RYK: variants seen among roughly 807,000 people sequenced by gnomAD.
The protein encoded by RYK is inactive tyrosine-protein kinase RYK.
Under a neutral mutation model 70.2 loss-of-function variants are expected in RYK, and 21 were observed. The observed-to-expected ratio is 0.30, with a 90% CI of 0.21 to 0.43. The LOEUF is 0.43. Among genes scored for constraint, RYK ranks in the 20% least tolerant of loss-of-function variants. RYK has a pLI of 1.00. For missense variants in RYK, 604 were observed against 753.3 expected, an observed-to-expected ratio of 0.80 and a Z score of 2.32; for synonymous variants, 267 against 278.0, an observed-to-expected ratio of 0.96 and a Z score of 0.39.
At position 134,202,815 on chromosome 3, in the gene RYK, C is replaced by A. The variant is rs994489784; in HGVS notation, c.703G>T (p.Val235Phe). The A allele has an allele frequency of 5.1e-5, 82 of 1,613,536 alleles. No homozygotes were observed. The highest frequency in any genetic ancestry group is 6.7e-5 in the Non-Finnish European group (79 of 1,179,576). Residue 235 changes from valine to phenylalanine, a missense_variant, in exon 6 of 15, where the codon GTT (valine) becomes TTT (phenylalanine). Val to Phe is a conservative substitution (Grantham distance 50). Around this residue, in one of 2 missense-constraint regions of RYK, gnomAD observed 466 missense variants for 535.9 expected, o/e 0.87. Coordinates refer to ENST00000623711, the MANE Select transcript of RYK (RefSeq NM_002958.4). ...STRVFYISVG[V>F]CCAVIFLVAI... ...ACGAGAAATATTACTGCACAACAAACCCCTACACTAATATAAAACACACGC... is the reference window on the plus strand; with the variant it reads ...ACGAGAAATATTACTGCACAACAAAACCCTACACTAATATAAAACACACGC...
At chr3:134,227,555 C>A (rs766265428) in intron 1 of RYK, among the ~76,000 whole-genome samples, 4 of 151,588 alleles carry the variant, frequency 2.6e-5, no homozygotes, top group Non-Finnish European at 5.9e-5. Flanking sequence ...AAAAAAAAAC[C>A]TTAAAATGAA....
At chr3:134,166,447 A>C (rs1027516707) in intron 13 of RYK, among the ~76,000 whole-genome samples, 1 of 152,230 alleles carries the variant, frequency 6.6e-6, no homozygotes, top group Non-Finnish European at 1.5e-5. Flanking sequence ...CAATACACTA[A>C]GACACCAACT....
At chr3:134,212,945 C>T (rs1016737517) in intron 2 of RYK, among the ~76,000 whole-genome samples, 6 of 150,542 alleles carry the variant, frequency 4.0e-5, no homozygotes, top group Non-Finnish European at 8.9e-5. Context: ...GGTACGTAAA[C>T]AACTGTTAAA....
At chr3:134,177,835 T>C in intron 11 of RYK, 106 bp downstream of exon 11, 2 of 937,324 alleles carry the variant, frequency 2.1e-6, no homozygotes, top group Non-Finnish European at 3.2e-6. Context: ...AGGTTCTTTT[T>C]TGCAGGCCTC....
chr3:134,224,141 G>A (rs975843123), intron 1 of RYK, among the ~76,000 whole-genome samples: 33 of 152,098 alleles, frequency 2.2e-4, no homozygotes, highest in Non-Finnish European at 4.3e-4. Context: ...AAGGCAGCTG[G>A]GCCTGGGGGA....
chr3:134,224,079 T>C (rs1197925193), intron 1 of RYK, among the ~76,000 whole-genome samples: 1 of 152,110 alleles, frequency 6.6e-6, no homozygotes, highest in Non-Finnish European at 1.5e-5. Context: ...TCTCCTTGTG[T>C]GCGGAGCCCA....
At chr3:134,243,845 A>G (rs1385478918) in intron 1 of RYK, among the ~76,000 whole-genome samples, 1 of 152,172 alleles carries the variant, frequency 6.6e-6, no homozygotes, top group African/African-American at 2.4e-5. Flanking sequence ...AACCAGCAAT[A>G]TAACTCTTAT....
chr3:134,247,071 C>A (rs371723676), intron 1 of RYK, among the ~76,000 whole-genome samples: 2 of 151,502 alleles, frequency 1.3e-5, no homozygotes, highest in African/African-American at 2.4e-5. Flanking sequence ...CGAATCAAAA[C>A]GCAATTTTGA....
At chr3:134,197,628 C>G (rs1311276757) in intron 6 of RYK, among the ~76,000 whole-genome samples, 1 of 152,082 alleles carries the variant, frequency 6.6e-6, no homozygotes, top group Non-Finnish European at 1.5e-5. Context: ...AAAATCAAAC[C>G]AGATATCAAA....
intron 1 of RYK, among the ~76,000 whole-genome samples, chr3:134,249,917 GTTTT>G (rs71624038): frequency 0.17 from 15,647 of 92,888 alleles, 1,138 homozygotes; most frequent in East Asian, 0.48. Context: ...TTTCTCTCTC[GTTTT>G]TTTTTTTTTT....
chr3:134,172,889 C>T (rs2012969039), intron 13 of RYK, among the ~76,000 whole-genome samples: 1 of 152,138 alleles, frequency 6.6e-6, no homozygotes, highest in Non-Finnish European at 1.5e-5. Context: ...CCACCCATCA[C>T]CCACCATGCC....
chr3:134,239,516 A>T (rs1267485623), intron 1 of RYK, among the ~76,000 whole-genome samples: 1 of 152,130 alleles, frequency 6.6e-6, no homozygotes, highest in Non-Finnish European at 1.5e-5. Flanking sequence ...AACATATGTA[A>T]ACTTCCATTA....
rs1553713557 is a variant in RYK, at chr3:134,250,495, C to T, written c.160G>A (p.Glu54Lys). The change falls in exon 1 of 15, where the codon GAG (glutamate) becomes AAG (lysine). Residue 54 changes from glutamate (E) to lysine (K), a missense_variant. This residue lies in a region of RYK where 466 missense variants were observed against 535.9 expected (regional missense o/e 0.87). Transcript: ENST00000623711. ...GGCCCCGCGGAAGCCGACTGCAGCT[C>T]CGGGGGCCGCGGGGCGGGGGCGGCG... The part of the protein sequence containing the change: ...AAAAPAPRPP[E>K]LQSASAGPSV... The T allele has an allele frequency of 3.1e-6, 4 of 1,286,886 alleles. No homozygotes were observed. The highest frequency in any genetic ancestry group is 1.5e-5 in the African/African-American group (1 of 64,890). 79.7% of individuals were successfully genotyped at this position (1,286,886 alleles called of 1,614,324 possible). A position where few individuals can be genotyped will look rare whatever the true frequency, so the allele number is the denominator to read the frequency against.
chr3:134,158,375 T>A (rs2012324195), intron 14 of RYK, 111 bp from the exon 15 acceptor site: 3 of 460,774 alleles, frequency 6.5e-6, no homozygotes, highest in Non-Finnish European at 1.1e-5. Context: ...ATGGAGAGGA[T>A]GATATATTAA....
At chr3:134,249,246 T>C (rs1192526793) in intron 1 of RYK, among the ~76,000 whole-genome samples, 1 of 152,160 alleles carries the variant, frequency 6.6e-6, no homozygotes, top group Admixed American at 6.5e-5. Context: ...CACGACTTCA[T>C]AAAAAGAGCA....
intron 1 of RYK, among the ~76,000 whole-genome samples, chr3:134,245,416 C>A (rs1248236667): frequency 7.3e-5 from 11 of 151,224 alleles, no homozygotes; most frequent in African/African-American, 2.7e-4. Flanking sequence ...TAAGGACAAA[C>A]AGAAAAGGAA....
chr3:134,209,344 T>C (rs890146158), intron 4 of RYK, among the ~76,000 whole-genome samples: 2 of 152,204 alleles, frequency 1.3e-5, no homozygotes, highest in African/African-American at 4.8e-5. Flanking sequence ...GCAATGCTTC[T>C]GCATAAAAGT....
At chr3:134,217,845 A>AT (rs1307248723) in intron 2 of RYK, among the ~76,000 whole-genome samples, 10 of 152,328 alleles carry the variant, frequency 6.6e-5, no homozygotes, top group African/African-American at 2.2e-4. Flanking sequence ...CTATGTGCAT[A>AT]TATTATCTAC....
chr3:134,160,071 CAG>C (rs1476367968), intron 13 of RYK, among the ~76,000 whole-genome samples: 5 of 152,204 alleles, frequency 3.3e-5, no homozygotes, highest in Non-Finnish European at 7.3e-5. Context: ...GGGAAGGACT[CAG>C]ATCCGGTACA....
Sources: gnomAD v4.1 joint callset for allele counts (sites outside exome capture counted in the v4.1 genomes callset) on GRCh38, gnomAD v4.1.1 for gene constraint, gnomAD v4.1.1 regional missense constraint, MANE v1.5 for transcripts, NCBI Gene and HGNC (gene_info 2026-07-23, HGNC 2026-07-21) for gene names.